The following DRC4 variants were observed in gnomAD, a reference collection of about 807,000 sequenced individuals.
The protein encoded by DRC4 is GAS-11.
chr16:90,022,561 AGGGACGCACTCCCGCCTTT>A, the DRC4 span: 2 of 730,256 alleles, frequency 2.7e-6, no homozygotes, highest in Non-Finnish European at 4.0e-6. Flanking sequence ...GCCCGTCTCT[AGGGACGCACTCCCGCCTTT>A]GGCAGGGCCG....
the DRC4 span, among the ~76,000 whole-genome samples, chr16:90,040,868 G>A: frequency 2.0e-5 from 3 of 152,050 alleles, no homozygotes; most frequent in Admixed American, 6.5e-5. Flanking sequence ...GGGGAACGAC[G>A]GGTCCCGGCC....
chr16:90,022,697 G>A, the DRC4 span: 1 of 1,417,210 alleles, frequency 7.1e-7, no homozygotes, highest in Non-Finnish European at 9.3e-7. Context: ...TCCCGGAGTC[G>A]CCGCTGGGCC....
chr16:90,036,321 TGTAGCC>T, the DRC4 span: 1 of 1,455,938 alleles, frequency 6.9e-7, no homozygotes, highest in Non-Finnish European at 9.4e-7. Context: ...CTCCATGTTC[TGTAGCC>T]GTAGGGGCAC....
chr16:90,031,214 T>A, the DRC4 span: 4 of 1,590,098 alleles, frequency 2.5e-6, no homozygotes, highest in Non-Finnish European at 3.4e-6. Context: ...TCCCTCTTTC[T>A]TCCTTGCCTT....
At chr16:90,022,736 C>T in the DRC4 span, 4 of 1,405,436 alleles carry the variant, frequency 2.8e-6, no homozygotes, top group African/African-American at 1.5e-5. Flanking sequence ...TGAGCAGGGG[C>T]GGGAGCGGGG....
At chr16:90,031,683 CAACATGGAAGG>C in the DRC4 span, among the ~76,000 whole-genome samples, 1 of 152,144 alleles carries the variant, frequency 6.6e-6, no homozygotes, top group Non-Finnish European at 1.5e-5. Flanking sequence ...GCTGCCTCCA[CAACATGGAAGG>C]AATATGGGCT....
At chr16:90,020,577 A>G in the DRC4 span, among the ~76,000 whole-genome samples, 1 of 152,236 alleles carries the variant, frequency 6.6e-6, no homozygotes, top group Non-Finnish European at 1.5e-5. Flanking sequence ...ATCTTAAGCC[A>G]CATATGTGAA....
At chr16:90,023,245 G>C in the DRC4 span, among the ~76,000 whole-genome samples, 11 of 152,192 alleles carry the variant, frequency 7.2e-5, no homozygotes, top group Non-Finnish European at 1.2e-4. Context: ...GACAGGTCCA[G>C]TGCCCTTGGA....
At chr16:90,040,015 G>A in the DRC4 span, 1 of 460,654 alleles carries the variant, frequency 2.2e-6, no homozygotes, top group East Asian at 4.1e-5. Context: ...CTTTCAGGGT[G>A]GGGCTGCTTC....
chr16:90,032,444 G>A, the DRC4 span, among the ~76,000 whole-genome samples: 936 of 151,104 alleles, frequency 6.2e-3, 6 homozygotes, highest in African/African-American at 0.022. Context: ...GTGTGTACAG[G>A]TATGGACAGG....
the DRC4 span, among the ~76,000 whole-genome samples, chr16:90,030,275 AT>A: frequency 7.3e-5 from 11 of 151,602 alleles, no homozygotes; most frequent in African/African-American, 1.9e-4. Flanking sequence ...TCATTTGCAT[AT>A]TTTTTTTGGG....
At chr16:90,022,684 T>G in the DRC4 span, 3 of 1,420,886 alleles carry the variant, frequency 2.1e-6, no homozygotes, top group Non-Finnish European at 2.8e-6. Flanking sequence ...GCGGGCGCCC[T>G]GGTCCCGGAG....
chr16:90,030,930 T>G, the DRC4 span, among the ~76,000 whole-genome samples: 8 of 152,330 alleles, frequency 5.3e-5, no homozygotes, highest in Middle Eastern at 3.4e-3. Context: ...TTTCCCTGTT[T>G]AAACTGGTCT....
the DRC4 span, among the ~76,000 whole-genome samples, chr16:90,028,172 C>CCTTTT: frequency 2.7e-5 from 2 of 75,002 alleles, no homozygotes; most frequent in Admixed American, 1.4e-4. Context: ...ATTAATCGTT[C>CCTTTT]ATTTTTTTTT....
the DRC4 span, chr16:90,042,238 G>C: frequency 1.0e-5 from 6 of 583,522 alleles, no homozygotes; most frequent in Admixed American, 1.1e-4. Context: ...GCCTGGCCTG[G>C]ACTGTTGCTG....
At chr16:90,021,712 TA>T in the DRC4 span, among the ~76,000 whole-genome samples, 14 of 146,952 alleles carry the variant, frequency 9.5e-5, no homozygotes, top group South Asian at 4.3e-4. Flanking sequence ...ATTAAAAACT[TA>T]AAAAAAAAAG....
At chr16:90,037,697 C>T in the DRC4 span, 19 of 1,476,066 alleles carry the variant, frequency 1.3e-5, no homozygotes, top group South Asian at 1.0e-4. Context: ...CCCAGGAGCC[C>T]GTGTTACTTG....
chr16:90,036,812 C>A, the DRC4 span: 3 of 668,270 alleles, frequency 4.5e-6, no homozygotes, highest in Non-Finnish European at 5.4e-6. Flanking sequence ...CACCGTAGTG[C>A]AGAGGGGGAA....
At chr16:90,042,373 G>A in the DRC4 span, 566 of 942,004 alleles carry the variant, frequency 6.0e-4, 12 homozygotes, top group South Asian at 7.0e-3. Context: ...GCTGCTATTC[G>A]CTGGATCTCT....
Sources: allele counts gnomAD v4.1 joint callset (sites outside exome capture counted in the v4.1 genomes callset), GRCh38; gene constraint gnomAD v4.1.1; transcripts MANE v1.5; gene names NCBI Gene and HGNC (gene_info 2026-07-23, HGNC 2026-07-21).